The following LGSN variants were observed in gnomAD, a reference collection of about 807,000 sequenced individuals.
LGSN encodes the protein lengsin, lens protein with glutamine synthetase domain.
LGSN carries 21 observed loss-of-function variants against 19.5 expected under a neutral mutation model. The ratio of observed to expected loss-of-function variants is 1.07; its 90% CI spans 0.76 to 1.55. The LOEUF (loss-of-function observed/expected upper bound fraction) is 1.55, where lower values mean the gene tolerates loss of function less well. Among genes scored for constraint, LGSN ranks in the 40% most tolerant of loss-of-function variants. The pLI is 0.00. For missense variants in LGSN, 673 were observed against 608.5 expected (o/e 1.11, Z -1.12); for synonymous variants, 257 against 215.6 (o/e 1.19, Z -1.68).
At chr6:63,364,966 G>A in the LGSN span, among the ~76,000 whole-genome samples, 1 of 152,096 alleles carries the variant, frequency 6.6e-6, no homozygotes, top group African/African-American at 2.4e-5. Context: ...AGCACTAAAT[G>A]CCCACAAGAG....
the LGSN span, among the ~76,000 whole-genome samples, chr6:63,368,826 A>G: frequency 6.6e-6 from 1 of 152,228 alleles, no homozygotes; most frequent in Non-Finnish European, 1.5e-5. Context: ...TGCAAAATAC[A>G]TATTTGCATA....
chr6:63,284,874 A>G (rs114393823), intron 3 of LGSN, among the ~76,000 whole-genome samples: 2 of 152,194 alleles, frequency 1.3e-5, no homozygotes, highest in East Asian at 1.9e-4. Context: ...TGTTAATGTG[A>G]TAAAAGTGTA....
At chr6:63,432,766 A>C in the LGSN span, among the ~76,000 whole-genome samples, 1 of 152,088 alleles carries the variant, frequency 6.6e-6, no homozygotes, top group Non-Finnish European at 1.5e-5. Flanking sequence ...GACTTAGGTT[A>C]AAGAACAGCC....
chr6:63,512,315 T>C, the LGSN span, among the ~76,000 whole-genome samples: 4 of 152,190 alleles, frequency 2.6e-5, no homozygotes, highest in Non-Finnish European at 4.4e-5. Flanking sequence ...ACTCCTGGCC[T>C]TAAGTGATCT....
intron 1 of LGSN, among the ~76,000 whole-genome samples, chr6:63,313,709 G>A (rs936665421): frequency 5.9e-5 from 9 of 152,060 alleles, no homozygotes; most frequent in Admixed American, 1.3e-4. Flanking sequence ...GGTGGTGCAC[G>A]CCTGTAATCC....
chr6:63,551,467 C>T, the LGSN span, among the ~76,000 whole-genome samples: 1 of 152,130 alleles, frequency 6.6e-6, no homozygotes, highest in Non-Finnish European at 1.5e-5. Context: ...GCATTTTCAC[C>T]TATTTCTTTC....
the LGSN span, among the ~76,000 whole-genome samples, chr6:63,513,930 A>C: frequency 4.7e-5 from 7 of 149,570 alleles, no homozygotes; most frequent in Admixed American, 2.0e-4. Context: ...AAAAAAAAAA[A>C]AAAAAACACT....
chr6:63,456,365 A>ATATATACTTTTTTTTTTTTTTT, the LGSN span, among the ~76,000 whole-genome samples: 2 of 31,334 alleles, frequency 6.4e-5, no homozygotes, highest in Non-Finnish European at 2.1e-4. Flanking sequence ...ATATATATAT[A>ATATATACTTTTTTTTTTTTTTT]TATATATATA....
At chr6:63,281,304 AATAT>A (rs1223943140) in intron 3 of LGSN, 84 bp from the exon 4 acceptor site, 13 of 135,756 alleles carry the variant, frequency 9.6e-5, no homozygotes, top group South Asian at 1.6e-4. Context: ...TGCTAATGAA[AATAT>A]ATATATATAT....
chr6:63,372,565 T>C, the LGSN span, among the ~76,000 whole-genome samples: 1 of 152,082 alleles, frequency 6.6e-6, no homozygotes, highest in African/African-American at 2.4e-5. Flanking sequence ...TACTTCAGAG[T>C]TTTGACTAGG....
the LGSN span, among the ~76,000 whole-genome samples, chr6:63,532,816 C>A: frequency 6.6e-6 from 1 of 151,946 alleles, no homozygotes; most frequent in Non-Finnish European, 1.5e-5. Flanking sequence ...GAATAAGCTA[C>A]CAAAAAATAT....
intron 1 of LGSN, among the ~76,000 whole-genome samples, chr6:63,299,016 G>A (rs1405652739): frequency 6.6e-6 from 1 of 152,124 alleles, no homozygotes; most frequent in African/African-American, 2.4e-5. Context: ...TGAAAGGTAG[G>A]CCCTCAAGTA....
the LGSN span, among the ~76,000 whole-genome samples, chr6:63,416,303 T>A: frequency 3.9e-5 from 6 of 152,146 alleles, no homozygotes; most frequent in East Asian, 1.2e-3. Flanking sequence ...AGTGAGCAGT[T>A]AATGGTCCAA....
chr6:63,546,485 C>T, the LGSN span, among the ~76,000 whole-genome samples: 2 of 152,186 alleles, frequency 1.3e-5, no homozygotes, highest in African/African-American at 4.8e-5. Context: ...GCAGGTGGAT[C>T]ACTTGAGGCA....
At chr6:63,548,742 G>A in the LGSN span, 6 of 680,428 alleles carry the variant, frequency 8.8e-6, no homozygotes, top group Non-Finnish European at 1.6e-5. Flanking sequence ...TTGAGCCTTT[G>A]CCTTTTCGAG....
the LGSN span, among the ~76,000 whole-genome samples, chr6:63,362,392 C>G: frequency 7.3e-5 from 11 of 151,670 alleles, no homozygotes; most frequent in African/African-American, 2.4e-4. Flanking sequence ...CAGAGCAGGG[C>G]GGGGCATCGC....
the LGSN span, among the ~76,000 whole-genome samples, chr6:63,456,385 ATATATATACT>A: frequency 2.3e-5 from 1 of 43,024 alleles, no homozygotes; most frequent in African/African-American, 7.2e-5. Flanking sequence ...ATATATATAT[ATATATATACT>A]TTTTTTTTTT....
the LGSN span, among the ~76,000 whole-genome samples, chr6:63,412,706 AGAGGGAAGGAAG>A: frequency 9.0e-6 from 1 of 110,952 alleles, no homozygotes; most frequent in African/African-American, 4.5e-5. Flanking sequence ...AAAGAAAGAA[AGAGGGAAGGAAG>A]GAAAGAAAGA....
At chr6:63,310,270 T>C (rs1233220123) in intron 1 of LGSN, among the ~76,000 whole-genome samples, 8 of 152,212 alleles carry the variant, frequency 5.3e-5, no homozygotes, top group Non-Finnish European at 1.2e-4. Flanking sequence ...ATGATTAATG[T>C]TCTTATTTGG....
Sources: allele counts gnomAD v4.1 joint callset (sites outside exome capture counted in the v4.1 genomes callset), GRCh38; gene constraint gnomAD v4.1.1; transcripts MANE v1.5; gene names NCBI Gene and HGNC (gene_info 2026-07-23, HGNC 2026-07-21).